The following GPC6 variants were observed in gnomAD, a reference collection of about 807,000 sequenced individuals.
GPC6 encodes the protein glypican-6.
GPC6 carries 14 observed loss-of-function variants against 55.2 expected under a neutral mutation model. The ratio of observed to expected loss-of-function variants is 0.25; its 90% confidence interval spans 0.17 to 0.40. The LOEUF is 0.40. GPC6 is among the 10% of genes least tolerant of loss of function. The pLI, the probability that GPC6 is intolerant of heterozygous loss-of-function variation, is 1.00. For synonymous variants in GPC6, 278 were observed against 259.6 expected, an observed-to-expected ratio of 1.07 and a Z score of -0.68; for missense variants, 641 against 708.5, an observed-to-expected ratio of 0.90 and a Z score of 1.08.
chr13:93,443,188 A>C (rs1229359101), intron 1 of GPC6, among the ~76,000 whole-genome samples: 1 of 152,206 alleles, frequency 6.6e-6, no homozygotes, highest in Admixed American at 6.5e-5. Flanking sequence ...GTAAAATATC[A>C]ATTTTAATAA....
intron 1 of GPC6, among the ~76,000 whole-genome samples, chr13:93,500,356 G>T (rs988520251): frequency 6.6e-6 from 1 of 152,096 alleles, no homozygotes; most frequent in African/African-American, 2.4e-5. Context: ...TCAAGGTTGT[G>T]GCTAGTGAAT....
chr13:93,756,742 T>G (rs143258982), intron 2 of GPC6, among the ~76,000 whole-genome samples: 3 of 152,276 alleles, frequency 2.0e-5, no homozygotes, highest in African/African-American at 7.2e-5. Flanking sequence ...TTCTTTTCCT[T>G]TATTCAAACT....
chr13:93,315,043 A>T (rs892826749), intron 1 of GPC6, among the ~76,000 whole-genome samples: 2 of 152,120 alleles, frequency 1.3e-5, no homozygotes, highest in Non-Finnish European at 2.9e-5. Flanking sequence ...GGTTTGAAAG[A>T]TGGTTAAAGA....
intron 2 of GPC6, among the ~76,000 whole-genome samples, chr13:93,658,607 A>C (rs1173736263): frequency 1.3e-5 from 2 of 151,702 alleles, no homozygotes; most frequent in Non-Finnish European, 3.0e-5. Flanking sequence ...CTGTTAATGT[A>C]ATAGTTTACA....
At chr13:93,410,124 A>G (rs955381898) in intron 1 of GPC6, among the ~76,000 whole-genome samples, 1 of 152,182 alleles carries the variant, frequency 6.6e-6, no homozygotes, top group African/African-American at 2.4e-5. Context: ...TTTCAGTACT[A>G]TTGGATTTAA....
At chr13:93,663,645 T>C (rs1418717850) in intron 2 of GPC6, among the ~76,000 whole-genome samples, 1 of 152,206 alleles carries the variant, frequency 6.6e-6, no homozygotes, top group Non-Finnish European at 1.5e-5. Context: ...GTACCTTCTT[T>C]TGAAGTGATG....
chr13:93,925,776 G>A (rs979644063), intron 3 of GPC6, among the ~76,000 whole-genome samples: 1 of 152,154 alleles, frequency 6.6e-6, no homozygotes, highest in Non-Finnish European at 1.5e-5. Context: ...TGAATGTCTG[G>A]GGATGGGCAG....
chr13:93,303,431 A>T, intron 1 of GPC6, among the ~76,000 whole-genome samples: 1 of 152,186 alleles, frequency 6.6e-6, no homozygotes, highest in East Asian at 1.9e-4. Flanking sequence ...TTAAATCATT[A>T]CTATTACTAT....
At chr13:94,118,708 A>G (rs900927495) in intron 4 of GPC6, among the ~76,000 whole-genome samples, 17 of 152,032 alleles carry the variant, frequency 1.1e-4, no homozygotes, top group African/African-American at 4.1e-4. Flanking sequence ...AGCTATAGCC[A>G]CCTTTCTTGA....
chr13:93,922,284 T>A (rs946301773), intron 3 of GPC6, among the ~76,000 whole-genome samples: 2 of 152,072 alleles, frequency 1.3e-5, no homozygotes, highest in Non-Finnish European at 2.9e-5. Context: ...GGTTGCAGAG[T>A]GTCACAAAAG....
At chr13:93,420,117 A>G (rs1294571901) in intron 1 of GPC6, among the ~76,000 whole-genome samples, 1 of 152,206 alleles carries the variant, frequency 6.6e-6, no homozygotes, top group Non-Finnish European at 1.5e-5. Flanking sequence ...AAAAAGTAAC[A>G]TTCTGGAAAG....
intron 4 of GPC6, among the ~76,000 whole-genome samples, chr13:94,244,230 G>A (rs900905592): frequency 2.6e-5 from 4 of 152,046 alleles, no homozygotes; most frequent in East Asian, 1.9e-4. Context: ...TCTAAAAACC[G>A]CATTTGATCA....
chr13:94,269,707 G>A (rs1469272753), intron 4 of GPC6, among the ~76,000 whole-genome samples: 2 of 152,056 alleles, frequency 1.3e-5, no homozygotes, highest in Non-Finnish European at 2.9e-5. Context: ...CTGAGTCTGG[G>A]ATCAGTTTGC....
chr13:93,552,793 C>G (rs1875230263), intron 2 of GPC6, among the ~76,000 whole-genome samples: 1 of 152,120 alleles, frequency 6.6e-6, no homozygotes, highest in Non-Finnish European at 1.5e-5. Flanking sequence ...CAGAAGGGTT[C>G]TTGGTAATGA....
At chr13:93,898,966 T>TATATATATATATATATATACACAC (rs1251225383) in intron 3 of GPC6, among the ~76,000 whole-genome samples, 18 of 137,088 alleles carry the variant, frequency 1.3e-4, no homozygotes, top group African/African-American at 4.5e-4. Context: ...TATATATATA[T>TATATATATATATATATATACACAC]ACACACACAT....
intron 4 of GPC6, among the ~76,000 whole-genome samples, chr13:94,217,373 ATGT>A (rs565870596): frequency 3.6e-4 from 55 of 152,300 alleles, no homozygotes; most frequent in African/African-American, 1.3e-3. Flanking sequence ...TTTGTATGGA[ATGT>A]TGTCTCTTTA....
At chr13:94,140,455 A>G (rs1473221088) in intron 4 of GPC6, among the ~76,000 whole-genome samples, 1 of 152,222 alleles carries the variant, frequency 6.6e-6, no homozygotes, top group Non-Finnish European at 1.5e-5. Context: ...AGAAAAAATT[A>G]TGAAACTCCC....
chr13:93,665,128 G>A (rs1032937570), intron 2 of GPC6, among the ~76,000 whole-genome samples: 10 of 152,104 alleles, frequency 6.6e-5, no homozygotes, highest in South Asian at 2.1e-4. Context: ...AGGCATACAC[G>A]CCCATGAATC....
intron 1 of GPC6, among the ~76,000 whole-genome samples, chr13:93,231,395 A>ACG (rs1555336151): frequency 0.017 from 409 of 23,644 alleles, 15 homozygotes; most frequent in Admixed American, 0.035. Context: ...ATATATATAT[A>ACG]TGTATATATA....
Sources: gnomAD v4.1 joint callset for allele counts (sites outside exome capture counted in the v4.1 genomes callset) on GRCh38, gnomAD v4.1.1 for gene constraint, MANE v1.5 for transcripts, NCBI Gene and HGNC (gene_info 2026-07-23, HGNC 2026-07-21) for gene names.